The following APOLD1 variants were observed in gnomAD, a reference collection of about 807,000 sequenced individuals.
APOLD1 encodes apolipoprotein L domain-containing protein 1.
Under a neutral mutation model 15.3 loss-of-function variants are expected in APOLD1, and 22 were observed. The ratio of observed to expected loss-of-function variants is 1.44; its 90% CI spans 1.03 to 2.05. The LOEUF (loss-of-function observed/expected upper bound fraction) is 2.05. Among genes scored for constraint, APOLD1 ranks in the 30% most tolerant of loss-of-function variants. The pLI is 0.00. For synonymous variants in APOLD1, 190 were observed against 167.4 expected (o/e 1.13, Z -1.04); for missense variants, 394 against 353.5 (o/e 1.11, Z -0.92).
chr12:12,781,944 C>T (rs1002412277), upstream of APOLD1, among the ~76,000 whole-genome samples: 3 of 151,922 alleles, frequency 2.0e-5, no homozygotes, highest in South Asian at 6.2e-4. Context: ...TTTCTGCTGC[C>T]ATGTAACTGG....
intron 1 of APOLD1, chr12:12,771,501 G>T: frequency 4.0e-6 from 2 of 496,848 alleles, no homozygotes; most frequent in Non-Finnish European, 4.0e-6. Context: ...CAGCAAATTG[G>T]CAGAGATGTT....
intron 1 of APOLD1, among the ~76,000 whole-genome samples, chr12:12,745,313 G>A (rs1053931121): frequency 6.6e-6 from 1 of 152,254 alleles, no homozygotes; most frequent in East Asian, 1.9e-4. Context: ...AAGTTGAGGC[G>A]GGTGGATCAC....
chr12:12,747,594 A>T (rs564491782), intron 1 of APOLD1, among the ~76,000 whole-genome samples: 1 of 152,286 alleles, frequency 6.6e-6, no homozygotes, highest in South Asian at 2.1e-4. Flanking sequence ...TCTGACTCTC[A>T]GATTTAAACT....
intron 1 of APOLD1, among the ~76,000 whole-genome samples, chr12:12,737,914 C>A (rs1946701989): frequency 2.0e-5 from 3 of 152,154 alleles, no homozygotes; most frequent in Admixed American, 1.3e-4. Context: ...CTCTTGAGAC[C>A]TTTTGTTGGC....
chr12:12,738,228 A>G (rs1345774884), intron 1 of APOLD1, among the ~76,000 whole-genome samples: 1 of 137,798 alleles, frequency 7.3e-6, no homozygotes, highest in Non-Finnish European at 1.6e-5. Context: ...TTTTTAAGAC[A>G]CATGGAGTCT....
At chr12:12,754,305 G>A (rs1044369402) in intron 1 of APOLD1, among the ~76,000 whole-genome samples, 1 of 151,920 alleles carries the variant, frequency 6.6e-6, no homozygotes, top group Admixed American at 6.6e-5. Flanking sequence ...CAAAGTGGTG[G>A]GATTGTCCCA....
chr12:12,772,280 A>C (rs1946994233), intron 1 of APOLD1, among the ~76,000 whole-genome samples: 1 of 152,238 alleles, frequency 6.6e-6, no homozygotes, highest in African/African-American at 2.4e-5. Flanking sequence ...ACACATATAA[A>C]CGGGTAGAGA....
chr12:12,759,316 C>T (rs1183648908), intron 1 of APOLD1, among the ~76,000 whole-genome samples: 3 of 151,932 alleles, frequency 2.0e-5, no homozygotes, highest in Admixed American at 6.6e-5. Flanking sequence ...TTCATTCTAT[C>T]GTAATTATTA....
At chr12:12,762,646 C>A (rs942484764) in intron 1 of APOLD1, among the ~76,000 whole-genome samples, 3 of 151,854 alleles carry the variant, frequency 2.0e-5, no homozygotes, top group Non-Finnish European at 4.4e-5. Context: ...AGCCACCACG[C>A]CCAGCCTTAC....
intron 1 of APOLD1, among the ~76,000 whole-genome samples, chr12:12,734,202 C>T (rs950219012): frequency 6.6e-6 from 1 of 152,148 alleles, no homozygotes; most frequent in Non-Finnish European, 1.5e-5. Context: ...TGAGGTTATT[C>T]CATCTTTTTG....
Position 12,787,550 on chromosome 12 carries a change from A to G in APOLD1, c.645A>G (p.Glu215=), listed in dbSNP as rs2136403189. The G allele has an allele frequency of 6.2e-7, 1 of 1,613,696 alleles. No individual in the cohort carries two copies. Among genetic ancestry groups the G allele is most frequent in the Admixed American group, 1.7e-5 (1 of 60,026 alleles). The stretch of plus-strand genomic sequence containing the variant: ...AGTCCTGCACCGGGGCTCTGGACGA[A>G]CTCAGCGAGCAGCTGGAGTCTCGGG... The part of the protein sequence containing the change: ...SLESCTGALD[E]LSEQLESRVQ... The change falls in exon 2 of 2, where the codon GAA becomes GAG. Residue 215 remains glutamate, a synonymous_variant. Transcript: ENST00000356591. The surrounding 1 kb of genome is among the most constrained non-coding windows in gnomAD (Gnocchi z 4.9).
intron 1 of APOLD1, among the ~76,000 whole-genome samples, chr12:12,777,793 G>A (rs762010054): frequency 5.3e-5 from 8 of 151,784 alleles, no homozygotes; most frequent in Non-Finnish European, 8.8e-5. Flanking sequence ...AGATGGAGAC[G>A]GCAATTCCAA....
chr12:12,731,251 G>A (rs958692377), intron 1 of APOLD1, among the ~76,000 whole-genome samples: 3 of 152,270 alleles, frequency 2.0e-5, no homozygotes, highest in South Asian at 2.1e-4. Context: ...TTGTCAATAT[G>A]TCTTATTATT....
chr12:12,727,393 C>T, intron 1 of APOLD1, among the ~76,000 whole-genome samples: 1 of 152,068 alleles, frequency 6.6e-6, no homozygotes, highest in East Asian at 1.9e-4. Context: ...AGTTACTAGA[C>T]AATTTACAGA....
At chr12:12,745,088 CT>C (rs1946755705) in intron 1 of APOLD1, among the ~76,000 whole-genome samples, 1 of 152,108 alleles carries the variant, frequency 6.6e-6, no homozygotes, top group South Asian at 2.1e-4. Flanking sequence ...CCCTTCCTGT[CT>C]AAAAAAAGTG....
intron 1 of APOLD1, among the ~76,000 whole-genome samples, chr12:12,740,743 C>G (rs1050138326): frequency 3.3e-5 from 5 of 152,190 alleles, no homozygotes; most frequent in African/African-American, 1.2e-4. Flanking sequence ...CCAGTATTAC[C>G]TGAAAATTCT....
intron 1 of APOLD1, among the ~76,000 whole-genome samples, chr12:12,739,524 T>TA (rs1476870854): frequency 6.6e-6 from 1 of 152,192 alleles, no homozygotes; most frequent in Non-Finnish European, 1.5e-5. Flanking sequence ...AAACAATATT[T>TA]AAAAAATATA....
chr12:12,740,849 A>C (rs1245740671), intron 1 of APOLD1, among the ~76,000 whole-genome samples: 1 of 152,128 alleles, frequency 6.6e-6, no homozygotes, highest in Non-Finnish European at 1.5e-5. Flanking sequence ...ATTAAAATTG[A>C]GTTGCGGCTG....
intron 1 of APOLD1, among the ~76,000 whole-genome samples, chr12:12,730,165 T>C (rs1368704449): frequency 6.6e-6 from 1 of 151,638 alleles, no homozygotes; most frequent in Non-Finnish European, 1.5e-5. Flanking sequence ...CTTCCTGCCT[T>C]AGCCTCCCAA....
Sources: gnomAD v4.1 joint callset for allele counts (sites outside exome capture counted in the v4.1 genomes callset) on GRCh38, gnomAD v4.1.1 for gene constraint, Gnocchi (gnomAD v3.1) non-coding constraint, MANE v1.5 for transcripts, NCBI Gene and HGNC (gene_info 2026-07-23, HGNC 2026-07-21) for gene names.